ZBTB20: variants seen among roughly 807,000 people sequenced by gnomAD.
The protein encoded by ZBTB20 is zinc finger and BTB domain containing 20.
ZBTB20 carries 9 observed loss-of-function variants against 56.9 expected under a neutral mutation model. The observed-to-expected ratio is 0.16, with a 90% CI of 0.10 to 0.28. The LOEUF (loss-of-function observed/expected upper bound fraction) is 0.28, where lower values mean the gene tolerates loss of function less well. ZBTB20 is among the 10% of genes least tolerant of loss of function. The pLI, the probability that ZBTB20 is intolerant of heterozygous loss-of-function variation, is 1.00. For synonymous variants in ZBTB20, 417 were observed against 420.7 expected, an observed-to-expected ratio of 0.99 and a Z score of 0.11; for missense variants, 655 against 1,003.0, an observed-to-expected ratio of 0.65 and a Z score of 4.69.
chr3:115,010,144 A>G (rs1181709210), intron 2 of ZBTB20, among the ~76,000 whole-genome samples: 1 of 151,924 alleles, frequency 6.6e-6, no homozygotes, highest in Non-Finnish European at 1.5e-5. Context: ...ACTACTTTGT[A>G]AAAATACTGC....
intron 6 of ZBTB20, among the ~76,000 whole-genome samples, chr3:114,537,841 A>T (rs1370081675): frequency 6.6e-6 from 1 of 151,946 alleles, no homozygotes; most frequent in Non-Finnish European, 1.5e-5. Flanking sequence ...TTTGCAGGAC[A>T]TGAAACTGGA....
In ZBTB20 at chr3:114,827,082, AGTC is replaced by A. The variant is rs1013641914; in HGVS notation, c.-416-25911_-416-25909del. On this transcript the variant is annotated intron_variant, in intron 4 of 11. Coordinates refer to ENST00000675478, the MANE Select transcript of ZBTB20 (RefSeq NM_001348800.3). ...TAATTTTAGAGCAAATTATCTATAA[AGTC>A]AATTAATAATTTGCCTTGCTTCATG... is the stretch of plus-strand genomic sequence containing the variant. 8.0e-4 allele frequency among the ~76,000 whole-genome samples: 121 copies of A among 151,884 alleles called. 1 individual carries two copies. Among genetic ancestry groups the A allele is most frequent in the African/African-American group, 2.8e-3 (117 of 41,524 alleles).
chr3:114,395,561 T>C (rs2086263245), intron 7 of ZBTB20, among the ~76,000 whole-genome samples: 1 of 152,110 alleles, frequency 6.6e-6, no homozygotes, highest in African/African-American at 2.4e-5. Context: ...CCGAAACAAA[T>C]TCCCAAGTCT....
At chr3:114,391,771 C>T (rs1408834313) in intron 7 of ZBTB20, among the ~76,000 whole-genome samples, 1 of 152,192 alleles carries the variant, frequency 6.6e-6, no homozygotes, top group Non-Finnish European at 1.5e-5. Context: ...TCAACCCCCT[C>T]ATTTTTCAGA....
chr3:114,708,704 T>C (rs1231343553), intron 5 of ZBTB20, among the ~76,000 whole-genome samples: 4 of 152,144 alleles, frequency 2.6e-5, no homozygotes, highest in Admixed American at 2.6e-4. Flanking sequence ...ACCAACAATA[T>C]ATGTACAGGA....
chr3:114,942,942 G>T (rs2107861110), intron 3 of ZBTB20, among the ~76,000 whole-genome samples: 2 of 145,402 alleles, frequency 1.4e-5, no homozygotes, highest in African/African-American at 2.8e-5. Context: ...ATGCAATGAG[G>T]TGAGGCCTGT....
chr3:115,007,919 C>T (rs1369668662), intron 2 of ZBTB20, among the ~76,000 whole-genome samples: 1 of 151,864 alleles, frequency 6.6e-6, no homozygotes, highest in Non-Finnish European at 1.5e-5. Context: ...TGGCTTCATA[C>T]TTTTTGGCTC....
intron 6 of ZBTB20, among the ~76,000 whole-genome samples, chr3:114,631,837 G>A (rs906615030): frequency 6.6e-6 from 1 of 152,130 alleles, no homozygotes; most frequent in African/African-American, 2.4e-5. Context: ...ATCATTGTTA[G>A]AACTAGTTTT....
intron 1 of ZBTB20, among the ~76,000 whole-genome samples, chr3:115,117,832 G>C (rs2084063963): frequency 6.6e-6 from 1 of 151,956 alleles, no homozygotes; most frequent in Non-Finnish European, 1.5e-5. Flanking sequence ...TAAATGCAAG[G>C]CATCACTGTG....
intron 6 of ZBTB20, chr3:114,529,360 A>G (rs1443504586): frequency 6.6e-6 from 1 of 152,220 alleles, no homozygotes; most frequent in Non-Finnish European, 1.5e-5. Flanking sequence ...TCTTTACATG[A>G]GCAAGAGAGA....
At chr3:114,527,781 A>G (rs1274005145) in intron 6 of ZBTB20, among the ~76,000 whole-genome samples, 5 of 152,232 alleles carry the variant, frequency 3.3e-5, no homozygotes, top group African/African-American at 1.2e-4. Flanking sequence ...GTTGATATAT[A>G]AGAGACTTAT....
At chr3:114,919,354 A>G (rs2075866855) in intron 3 of ZBTB20, among the ~76,000 whole-genome samples, 2 of 152,172 alleles carry the variant, frequency 1.3e-5, no homozygotes, top group African/African-American at 4.8e-5. Context: ...GACATGAATC[A>G]AAGCAAAAAT....
In ZBTB20 at chr3:114,883,001, G is replaced by A. The variant is rs563760488; in HGVS notation, c.-417+17303C>T. On this transcript the variant is annotated intron_variant, in intron 4 of 11. Transcript: ENST00000675478. ...CATTCTAGACTTCTCTAGTCCCACA[G>A]TAAATCATTCAACTTCACTGGGATT... Among the ~76,000 whole-genome samples the A allele has an allele frequency of 5.3e-5, 8 of 152,274 alleles. No homozygotes were observed. The South Asian group carries it at 8.3e-4, about 16-fold the overall frequency.
At chr3:115,006,738 T>C (rs1289189543) in intron 2 of ZBTB20, among the ~76,000 whole-genome samples, 1 of 151,712 alleles carries the variant, frequency 6.6e-6, no homozygotes, top group African/African-American at 2.4e-5. Context: ...CACTGAGACA[T>C]ACCAGGCTGG....
At chr3:114,542,434 C>T (rs1210085378) in intron 6 of ZBTB20, among the ~76,000 whole-genome samples, 3 of 152,070 alleles carry the variant, frequency 2.0e-5, no homozygotes, top group Non-Finnish European at 4.4e-5. Flanking sequence ...TAAAAAATGG[C>T]AAAGCCTGTT....
chr3:114,886,849 G>A (rs2076620439), intron 4 of ZBTB20, among the ~76,000 whole-genome samples: 1 of 152,160 alleles, frequency 6.6e-6, no homozygotes, highest in Admixed American at 6.5e-5. Flanking sequence ...AAATACCGAG[G>A]GGAAAAATAA....
chr3:114,619,197 A>G (rs1370689794), intron 6 of ZBTB20, among the ~76,000 whole-genome samples: 1 of 152,222 alleles, frequency 6.6e-6, no homozygotes, highest in Non-Finnish European at 1.5e-5. Context: ...GAATAAATTC[A>G]ATAACAAAAC....
chr3:114,324,755 G>T lies in ZBTB20; in HGVS notation c.*14250C>A, dbSNP rs1213857704. 1.3e-5 allele frequency: 2 copies of T among 152,162 alleles called. No individual in the cohort carries two copies. The highest frequency in any genetic ancestry group is 2.9e-5 in the Non-Finnish European group (2 of 68,020). The allele number at this position is 152,162 out of a possible 1,614,324, so 9.4% of individuals were successfully genotyped here. A position where few individuals can be genotyped will look rare whatever the true frequency, so the allele number is the denominator to read the frequency against. ...CTTAAGGAGCTTACTTCTTTCTAAA[G>T]ATTAGTCTAGAATTAGTTTGGGATG... On this transcript the variant is annotated 3_prime_UTR_variant, in exon 12 of 12. Coordinates refer to ENST00000675478, the MANE Select transcript of ZBTB20 (RefSeq NM_001348800.3).
At chr3:114,573,634 G>A (rs907656265) in intron 6 of ZBTB20, among the ~76,000 whole-genome samples, 7 of 151,742 alleles carry the variant, frequency 4.6e-5, no homozygotes, top group African/African-American at 1.2e-4. Flanking sequence ...CTGGAACATC[G>A]AAGTTCAGGC....
Sources: gnomAD v4.1 joint callset for allele counts (sites outside exome capture counted in the v4.1 genomes callset) on GRCh38, gnomAD v4.1.1 for gene constraint, MANE v1.5 for transcripts, NCBI Gene and HGNC (gene_info 2026-07-23, HGNC 2026-07-21) for gene names.